ARL17B: variants seen among roughly 807,000 people sequenced by gnomAD.
ARL17B encodes ADP-ribosylation factor-like protein 17.
intron 4 of ARL17B, among the ~76,000 whole-genome samples, chr17:46,279,500 C>CTTTT (rs369361891): frequency 1.5e-4 from 18 of 122,412 alleles, no homozygotes; most frequent in African/African-American, 3.3e-4. Flanking sequence ...TTCTTTCTTT[C>CTTTT]TTTTTTTTTT....
chr17:46,284,052 C>T (rs1378985643), intron 4 of ARL17B, among the ~76,000 whole-genome samples: 3 of 152,230 alleles, frequency 2.0e-5, no homozygotes, highest in South Asian at 2.1e-4. Context: ...GGTTTTATAC[C>T]GAGACATTCC....
downstream of ARL17B, among the ~76,000 whole-genome samples, chr17:46,274,468 G>A (rs577694657): frequency 5.9e-5 from 9 of 152,346 alleles, no homozygotes; most frequent in East Asian, 1.7e-3. Context: ...AGTTGTGTGT[G>A]TGTGCACATG....
intron 4 of ARL17B, among the ~76,000 whole-genome samples, chr17:46,278,210 T>C (rs2049645948): frequency 6.6e-6 from 1 of 152,136 alleles, no homozygotes; most frequent in South Asian, 2.1e-4. Context: ...CCTTCCCAAG[T>C]GCTGGGATTA....
At chr17:46,279,853 T>C (rs1250453544) in intron 4 of ARL17B, among the ~76,000 whole-genome samples, 3 of 152,214 alleles carry the variant, frequency 2.0e-5, no homozygotes, top group Non-Finnish European at 2.9e-5. Flanking sequence ...CCTTTCATTT[T>C]TATCCCTGAC....
intron 4 of ARL17B, among the ~76,000 whole-genome samples, chr17:46,288,706 C>CTTTTTTCTTT (rs2049986456): frequency 2.9e-5 from 4 of 139,060 alleles, no homozygotes; most frequent in Non-Finnish European, 6.3e-5. Context: ...CTTGTTTTTT[C>CTTTTTTCTTT]TTTTTTTTTT....
chr17:46,350,575 A>AG lies in ARL17B; in HGVS notation c.259+2244dup, dbSNP rs201102256. On this transcript the variant is annotated intron_variant, in intron 3 of 3. Transcript: ENST00000450673. ...AATAAGCAGTTAAAAAAAAAAAAAAAGGGGGGGGGAGGCCAGGCGAGGTGG... is the reference window on the plus strand; with the variant it reads ...AATAAGCAGTTAAAAAAAAAAAAAAAGGGGGGGGGGAGGCCAGGCGAGGTGG... Among the ~76,000 whole-genome samples, 82 of 81,544 alleles carry AG rather than the reference A, an allele frequency of 1.0e-3. No individual in the cohort carries two copies. In the East Asian group the frequency reaches 0.011, roughly 11 times the overall value. 53.5% of individuals were successfully genotyped at this position (81,544 alleles called of 152,430 possible). A position where few individuals can be genotyped will look rare whatever the true frequency, so the allele number is the denominator to read the frequency against.
At chr17:46,279,613 T>A (rs1164927991) in intron 4 of ARL17B, among the ~76,000 whole-genome samples, 1 of 147,658 alleles carries the variant, frequency 6.8e-6, no homozygotes, top group African/African-American at 2.5e-5. Flanking sequence ...TCCTCCCACC[T>A]CAGCCTCTGG....
chr17:46,314,469 A>C (rs1169260349), intron 3 of ARL17B, among the ~76,000 whole-genome samples: 1 of 81,998 alleles, frequency 1.2e-5, no homozygotes, highest in Admixed American at 1.3e-4. Context: ...CATTGCACTC[A>C]AGCCTGGGCA....
chr17:46,289,462 G>T (rs538814565), intron 4 of ARL17B, among the ~76,000 whole-genome samples: 10 of 152,170 alleles, frequency 6.6e-5, no homozygotes, highest in Non-Finnish European at 8.8e-5. Flanking sequence ...TGAGCCACTT[G>T]TACCCAGCCA....
intron 4 of ARL17B, among the ~76,000 whole-genome samples, chr17:46,286,793 TC>T (rs1176432330): frequency 3.3e-5 from 5 of 152,284 alleles, no homozygotes; most frequent in Admixed American, 3.3e-4. Context: ...TTATTAGAAC[TC>T]ACTGTGACTG....
Position 46,279,315 on chromosome 17 carries a change from C to T in ARL17B, c.*22-3897G>A, listed in dbSNP as rs559849125. ...TCACTTGCCTCAGCCTCCCAAGTAGCGAGGATTACAGGTGCCTACCACAAT... is the reference window on the plus strand; with the variant it reads ...TCACTTGCCTCAGCCTCCCAAGTAGTGAGGATTACAGGTGCCTACCACAAT... On this transcript the variant is annotated intron_variant, in intron 4 of 4. Transcript: ENST00000570618. Among the ~76,000 whole-genome samples the T allele has an allele frequency of 1.2e-4, 18 of 151,300 alleles. No homozygotes were observed. The South Asian group carries it at 2.9e-3, about 24-fold the overall frequency.
At chr17:46,292,982 C>A (rs2143482809) in intron 4 of ARL17B, 1 of 39,002 alleles carries the variant, frequency 2.6e-5, no homozygotes, top group African/African-American at 6.3e-5. Flanking sequence ...GAGATGGAGT[C>A]TCGCTCTGTT....
rs1335216301 is a variant in ARL17B at position 46,316,323 on chromosome 17, T to C, written c.260-16658A>G. On this transcript the variant is annotated intron_variant, in intron 3 of 4. Transcript: ENST00000434041. ...CAGTTTTTATTTATCTAGAATATCT[T>C]AATTTCTCTTCAATTTCAAAGGTAG... is the stretch of plus-strand genomic sequence containing the variant. 2.4e-4 allele frequency among the ~76,000 whole-genome samples: 5 copies of C among 20,650 alleles called. No individual in the cohort carries two copies. In the Admixed American group the frequency reaches 2.7e-3, roughly 11 times the overall value. The allele number at this position is 20,650 out of a possible 152,430, so 13.5% of individuals were successfully genotyped here.
In ARL17B at chr17:46,314,864, GA is replaced by G. The variant is rs1281625322; in HGVS notation, c.260-15200del. On this transcript the variant is annotated intron_variant, in intron 3 of 4. Transcript: ENST00000434041. ...ATATCACCCTCATAGAATAAGTTAG[GA>G]AATGTTCTCTCCTCATCTGTATTTT... Among the ~76,000 whole-genome samples the G allele has an allele frequency of 2.5e-5, 2 of 81,216 alleles. 1 individual carries two copies. The highest frequency in any genetic ancestry group is 6.3e-5 in the African/African-American group (2 of 31,892). The allele number at this position is 81,216 out of a possible 152,430, so 53.3% of individuals were successfully genotyped here. A position where few individuals can be genotyped will look rare whatever the true frequency, so the allele number is the denominator to read the frequency against.
downstream of ARL17B, chr17:46,332,751 CTGCTGCTACTTG>C (rs1265621298): frequency 1.3e-5 from 6 of 452,230 alleles, no homozygotes; most frequent in African/African-American, 1.3e-4. Flanking sequence ...ACTTTCCCAC[CTGCTGCTACTTG>C]ACATACTTCT....
At position 46,335,474 on chromosome 17, in the gene ARL17B, G is replaced by A. The variant is rs1360756995; in HGVS notation, c.*4026C>T. The A allele has an allele frequency of 5.8e-6, 1 of 171,126 alleles. No homozygotes were observed. Among genetic ancestry groups the A allele is most frequent in the African/African-American group, 1.8e-5 (1 of 54,516 alleles). 10.6% of individuals were successfully genotyped at this position (171,126 alleles called of 1,614,324 possible). ...TACATGAGACTTATAATGAATAAAAGGAATCAATACAGATTTGGAGATGGT... is the reference window on the plus strand; with the variant it reads ...TACATGAGACTTATAATGAATAAAAAGAATCAATACAGATTTGGAGATGGT... On this transcript the variant is annotated 3_prime_UTR_variant, in exon 4 of 4. Transcript: ENST00000450673.
In ARL17B at chr17:46,279,808, A is replaced by G. The variant is rs146192478; in HGVS notation, c.*22-4390T>C. On this transcript the variant is annotated intron_variant, in intron 4 of 4. Transcript: ENST00000570618. ...CCATTCCCAGCCAACAGGCCCTCCT[A>G]CACAACTTTTTGTTTTTAGTGGCGT... Among the ~76,000 whole-genome samples the G allele has an allele frequency of 2.4e-4, 37 of 152,318 alleles. No individual in the cohort carries two copies. In the East Asian group the frequency reaches 6.6e-3, roughly 27 times the overall value.
intron 4 of ARL17B, chr17:46,275,547 T>G: frequency 1.9e-6 from 1 of 531,866 alleles, no homozygotes; most frequent in South Asian, 1.6e-5. Flanking sequence ...GGCAAGCGAA[T>G]AGAAAAGAAC....
rs2052872906 is a variant in ARL17B at position 46,355,092 on chromosome 17, AAGGG to A, written c.149-2166_149-2163del. ...GAAGGGAGGAAGGGAGGAAGGGAGG[AAGGG>A]AGGAAAGGAAAAGAAGGAAAGATGT... is the stretch of plus-strand genomic sequence containing the variant. On this transcript the variant is annotated intron_variant, in intron 2 of 3. Transcript: ENST00000450673. 2.6e-4 allele frequency among the ~76,000 whole-genome samples: 2 copies of A among 7,724 alleles called. 1 individual carries two copies. The highest frequency in any genetic ancestry group is 2.8e-3 in the Non-Finnish European group (2 of 724). The allele number at this position is 7,724 out of a possible 152,430, so 5.1% of individuals were successfully genotyped here. A position where few individuals can be genotyped will look rare whatever the true frequency, so the allele number is the denominator to read the frequency against.
Sources: gnomAD v4.1 joint callset for allele counts (sites outside exome capture counted in the v4.1 genomes callset) on GRCh38, gnomAD v4.1.1 for gene constraint, MANE v1.5 for transcripts, NCBI Gene and HGNC (gene_info 2026-07-23, HGNC 2026-07-21) for gene names.